The following UBR3 variants were observed in gnomAD, a reference collection of about 807,000 sequenced individuals.
UBR3 encodes the protein ubiquitin protein ligase E3 component n-recognin 3.
Under a neutral mutation model 243.2 loss-of-function variants are expected in UBR3, and 85 were observed. The ratio of observed to expected loss-of-function variants is 0.35; its 90% CI spans 0.29 to 0.42. The LOEUF (loss-of-function observed/expected upper bound fraction) is 0.42, where lower values mean the gene tolerates loss of function less well. Ranked by LOEUF, UBR3 falls within the 10% of genes least tolerant of loss-of-function variation. The pLI is 1.00. For synonymous variants in UBR3, 748 were observed against 799.8 expected, an observed-to-expected ratio of 0.94 and a Z score of 1.09; for missense variants, 1,686 against 2,300.8, an observed-to-expected ratio of 0.73 and a Z score of 5.47.
Position 169,898,740 on chromosome 2 carries a change from C to T in UBR3, c.1465+2005C>T, listed in dbSNP as rs1334981242. Among the ~76,000 whole-genome samples the T allele has an allele frequency of 8.2e-5, 11 of 134,818 alleles. No homozygotes were observed. In the East Asian group the frequency reaches 1.3e-3, roughly 16 times the overall value. 88.4% of individuals were successfully genotyped at this position (134,818 alleles called of 152,430 possible). ...TTTTTGAGACGGAGTCTCGCTCTGT[C>T]GCCCAGGCTGGGGTGCAGTGGCGCG... On this transcript the variant is annotated intron_variant, in intron 8 of 38. Transcript: ENST00000272793.
chr2:170,008,799 T>G lies in UBR3; in HGVS notation c.4231-5T>G. Reference sequence around the variant, plus strand: ...CTTTATATGTATGTTTGCATTTTTTTATAGTCAGAAACAAATTTAAGTAAA... The same window carrying G: ...CTTTATATGTATGTTTGCATTTTTTGATAGTCAGAAACAAATTTAAGTAAA... On this transcript the variant is annotated splice_polypyrimidine_tract_variant and splice_region_variant and intron_variant, in intron 28 of 38. Transcript: ENST00000272793. The G allele has an allele frequency of 8.1e-7, 1 of 1,238,064 alleles. No homozygotes were observed. Among genetic ancestry groups the G allele is most frequent in the Non-Finnish European group, 1.1e-6 (1 of 882,756 alleles). The allele number at this position is 1,238,064 out of a possible 1,614,324, so 76.7% of individuals were successfully genotyped here.
At chr2:169,924,198 T>G in intron 13 of UBR3, 25 bp downstream of exon 13, 1 of 1,485,264 alleles carries the variant, frequency 6.7e-7, no homozygotes, top group Non-Finnish European at 9.1e-7. Context: ...ATTTAAAAAG[T>G]TTTGAAGTGG....
intron 1 of UBR3, among the ~76,000 whole-genome samples, chr2:169,840,077 C>T (rs1344560331): frequency 6.6e-6 from 1 of 152,112 alleles, no homozygotes; most frequent in Non-Finnish European, 1.5e-5. Context: ...AGTTGTGTGT[C>T]TGTTCCCATA....
intron 30 of UBR3, among the ~76,000 whole-genome samples, chr2:170,019,601 C>A (rs1046826474): frequency 1.4e-4 from 21 of 152,072 alleles, no homozygotes; most frequent in African/African-American, 4.8e-4. Context: ...GGGAGGATCG[C>A]TTAAGCCCAG....
intron 35 of UBR3, among the ~76,000 whole-genome samples, chr2:170,062,415 C>T (rs1320264393): frequency 6.6e-6 from 1 of 152,154 alleles, no homozygotes; most frequent in African/African-American, 2.4e-5. Flanking sequence ...TTAAGTAATT[C>T]ACCATTACAT....
intron 29 of UBR3, among the ~76,000 whole-genome samples, chr2:170,009,234 A>G (rs1366227155): frequency 6.6e-6 from 1 of 152,158 alleles, no homozygotes; most frequent in Admixed American, 6.5e-5. Context: ...AGTATTATCT[A>G]TGAGACCTGT....
intron 11 of UBR3, among the ~76,000 whole-genome samples, chr2:169,922,058 G>A (rs2085721657): frequency 6.6e-6 from 1 of 151,776 alleles, no homozygotes; most frequent in Non-Finnish European, 1.5e-5. Flanking sequence ...AGGCTGAGGC[G>A]GGCAGATTGC....
intron 13 of UBR3, among the ~76,000 whole-genome samples, chr2:169,924,820 G>A (rs1265181662): frequency 4.6e-5 from 7 of 152,128 alleles, no homozygotes; most frequent in Non-Finnish European, 1.0e-4. Context: ...AGATCACGAG[G>A]TCAAGAAATC....
In UBR3 at chr2:170,015,379, TACTGCTAAATTTAAAAAA is replaced by T; in HGVS notation, c.4453+15_4453+32del. On this transcript the variant is annotated intron_variant, in intron 30 of 38. Transcript: ENST00000272793. ...AGGTCTTGTTTAAGTAAGTACTAAA[TACTGCTAAATTTAAAAAA>T]AATTCTGTCATTTTTGGAAGCATTG... 1 of 1,584,598 alleles carries T rather than the reference TACTGCTAAATTTAAAAAA, an allele frequency of 6.3e-7. No individual in the cohort carries two copies.
intron 8 of UBR3, among the ~76,000 whole-genome samples, 192 bp downstream of exon 8, chr2:169,896,927 A>G (rs1179495257): frequency 6.6e-6 from 1 of 152,164 alleles, no homozygotes; most frequent in Non-Finnish European, 1.5e-5. Context: ...AAAATAATAC[A>G]TGTTTGTTAC....
chr2:169,927,468 T>A, intron 17 of UBR3, 63 bp downstream of exon 17: 2 of 1,208,670 alleles, frequency 1.7e-6, no homozygotes, highest in Non-Finnish European at 2.3e-6. Context: ...TTTTTATGAT[T>A]AATAGTTTAT....
At chr2:169,873,137 G>A (rs2083485975) in intron 2 of UBR3, among the ~76,000 whole-genome samples, 1 of 151,838 alleles carries the variant, frequency 6.6e-6, no homozygotes, top group Non-Finnish European at 1.5e-5. Context: ...TATTTTTAGA[G>A]GTTTAAAATT....
intron 31 of UBR3, among the ~76,000 whole-genome samples, chr2:170,031,652 A>G (rs957478160): frequency 3.3e-5 from 5 of 152,056 alleles, no homozygotes; most frequent in African/African-American, 1.2e-4. Context: ...CATAGTACCC[A>G]ATAGTTTTTC....
intron 1 of UBR3, among the ~76,000 whole-genome samples, chr2:169,867,817 T>C (rs1254879883): frequency 6.6e-6 from 1 of 152,248 alleles, no homozygotes; most frequent in Non-Finnish European, 1.5e-5. Flanking sequence ...TGTAGCCACA[T>C]TTGCTTCAAC....
At chr2:169,834,927 T>C (rs2082038553) in intron 1 of UBR3, among the ~76,000 whole-genome samples, 1 of 152,164 alleles carries the variant, frequency 6.6e-6, no homozygotes, top group Admixed American at 6.5e-5. Flanking sequence ...AAAGAACAAA[T>C]GCTTGTATGC....
intron 10 of UBR3, among the ~76,000 whole-genome samples, chr2:169,910,732 A>G (rs1280736812): frequency 6.6e-6 from 1 of 152,158 alleles, no homozygotes; most frequent in Non-Finnish European, 1.5e-5. Context: ...CATTCATTGC[A>G]TCTCCTATAA....
At chr2:170,059,724 T>C (rs2091419736) in intron 33 of UBR3, among the ~76,000 whole-genome samples, 1 of 152,052 alleles carries the variant, frequency 6.6e-6, no homozygotes, top group Non-Finnish European at 1.5e-5. Context: ...TTTTATAGTT[T>C]AGAATCAGGA....
chr2:170,001,389 A>G lies in UBR3; in HGVS notation c.4004A>G (p.His1335Arg), dbSNP rs1221954717. 1 of 1,613,418 alleles carries G rather than the reference A, an allele frequency of 6.2e-7. No homozygotes were observed. The highest frequency in any genetic ancestry group is 1.7e-5 in the Admixed American group (1 of 60,010). Residue 1335 changes from histidine (H) to arginine (R), a missense_variant, in exon 27 of 39, where the codon CAT becomes CGT. Physicochemically the swap from His to Arg is conservative, Grantham distance 29 (BLOSUM62 0). This residue lies in a region of UBR3 where 156 missense variants were observed against 246.3 expected (regional missense o/e 0.63). Coordinates refer to ENST00000272793, the MANE Select transcript of UBR3 (RefSeq NM_172070.4). ...GGTCACACATTACATATAGATTGTC[A>G]TAAATCTTACATGGAATCATTACGG... ...TCGHTLHIDC[H>R]KSYMESLRND... is the part of the protein sequence containing the mutation.
intron 7 of UBR3, 65 bp downstream of exon 7, chr2:169,895,376 C>T (rs971171153): frequency 6.9e-7 from 1 of 1,459,724 alleles, no homozygotes; most frequent in African/African-American, 1.4e-5. Flanking sequence ...ATTATTAAAT[C>T]TTTTTTTGAT....
Sources: allele counts gnomAD v4.1 joint callset (sites outside exome capture counted in the v4.1 genomes callset), GRCh38; gene constraint gnomAD v4.1.1; regional missense constraint gnomAD v4.1.1; transcripts MANE v1.5; gene names NCBI Gene and HGNC (gene_info 2026-07-23, HGNC 2026-07-21).